UVRAG: variants seen among roughly 807,000 people sequenced by gnomAD.
UVRAG encodes the protein UV radiation resistance-associated gene protein.
UVRAG carries 19 observed loss-of-function variants against 78.0 expected under a neutral mutation model. That is an observed-to-expected ratio of 0.24 (90% CI 0.17 to 0.36). The LOEUF (loss-of-function observed/expected upper bound fraction) is 0.36, where lower values mean the gene tolerates loss of function less well. Ranked by LOEUF, UVRAG falls within the 10% of genes least tolerant of loss-of-function variation. The pLI, the probability that UVRAG is intolerant of heterozygous loss-of-function variation, is 1.00. For synonymous variants in UVRAG, 323 were observed against 324.6 expected (o/e 1.00, Z 0.05); for missense variants, 740 against 853.8 (o/e 0.87, Z 1.66).
At chr11:76,007,678 A>G in intron 10 of UVRAG, 57 bp downstream of exon 10, 1 of 1,361,780 alleles carries the variant, frequency 7.3e-7, no homozygotes. Context: ...TTTCTGTATG[A>G]CATTTCCTCT....
intron 7 of UVRAG, among the ~76,000 whole-genome samples, chr11:75,971,364 AG>A (rs1214115706): frequency 1.3e-5 from 2 of 152,192 alleles, no homozygotes; most frequent in African/African-American, 2.4e-5. Flanking sequence ...AATATATAAG[AG>A]TATGATTGCT....
At chr11:75,971,929 A>T (rs928063968) in intron 7 of UVRAG, among the ~76,000 whole-genome samples, 37 of 152,052 alleles carry the variant, frequency 2.4e-4, no homozygotes, top group African/African-American at 8.7e-4. Flanking sequence ...GACCTCAGCT[A>T]ATCTGCCAGC....
intron 12 of UVRAG, among the ~76,000 whole-genome samples, chr11:76,065,409 A>C (rs1458805717): frequency 1.3e-5 from 2 of 152,222 alleles, no homozygotes; most frequent in Middle Eastern, 3.2e-3. Flanking sequence ...CTAAGGTGGC[A>C]AGTTTATGAT....
chr11:76,069,542 T>C (rs537430474), intron 13 of UVRAG, among the ~76,000 whole-genome samples: 112 of 152,330 alleles, frequency 7.4e-4, no homozygotes, highest in African/African-American at 2.6e-3. Flanking sequence ...TTAGAATTTG[T>C]ATAGAGAACA....
Position 76,098,581 on chromosome 11 carries a change from A to G in UVRAG, c.1306-17343A>G, listed in dbSNP as rs529302368. ...TTAATGTGTAAGTGGCAGTTTGAAG[A>G]TAGAAGACCACATCATTGTTTAATA... On this transcript the variant is annotated intron_variant, in intron 13 of 14. Transcript: ENST00000356136. Among the ~76,000 whole-genome samples the G allele has an allele frequency of 3.9e-5, 6 of 152,322 alleles. No homozygotes were observed. The East Asian group carries it at 1.2e-3, about 29-fold the overall frequency.
rs143386213 is a variant in UVRAG at position 76,060,738 on chromosome 11, C to T, written c.1227-4972C>T. Among the ~76,000 whole-genome samples, 976 of 152,324 alleles carry T rather than the reference C, an allele frequency of 6.4e-3. 7 individuals carry two copies. The highest frequency in any genetic ancestry group is 9.7e-3 in the Non-Finnish European group (663 of 68,008). ...TGGCTGCCGAGGGTGTGCTGGGTCC[C>T]CCAGCAGTGCCAGCACACCGGCGCT... On this transcript the variant is annotated intron_variant, in intron 12 of 14. Coordinates refer to ENST00000356136, the MANE Select transcript of UVRAG (RefSeq NM_003369.4).
chr11:76,084,352 G>C (rs1956652010), intron 13 of UVRAG, among the ~76,000 whole-genome samples: 1 of 152,132 alleles, frequency 6.6e-6, no homozygotes, highest in African/African-American at 2.4e-5. Context: ...GAATTTAAGA[G>C]TCCAAGAGAA....
intron 3 of UVRAG, among the ~76,000 whole-genome samples, chr11:75,876,516 GAC>G (rs762482205): frequency 2.1e-4 from 32 of 152,326 alleles, no homozygotes; most frequent in Admixed American, 3.9e-4. Flanking sequence ...GTGAGATACA[GAC>G]TGGAGGTCAT....
chr11:75,836,779 A>G (rs1399447226), intron 1 of UVRAG, among the ~76,000 whole-genome samples: 1 of 152,254 alleles, frequency 6.6e-6, no homozygotes, highest in Non-Finnish European at 1.5e-5. Context: ...TAACATGCTA[A>G]CTTCAGGCAG....
At chr11:75,962,989 G>A (rs749435422) in intron 7 of UVRAG, among the ~76,000 whole-genome samples, 7 of 152,134 alleles carry the variant, frequency 4.6e-5, no homozygotes, top group Non-Finnish European at 7.4e-5. Flanking sequence ...TTTTTATGCT[G>A]CCTAGTCAAC....
At chr11:75,886,524 C>CT (rs1342356153) in intron 4 of UVRAG, among the ~76,000 whole-genome samples, 2 of 152,294 alleles carry the variant, frequency 1.3e-5, no homozygotes, top group Non-Finnish European at 2.9e-5. Flanking sequence ...AATCTTGAGA[C>CT]TGCTTTCATA....
At chr11:76,066,304 AAAT>A (rs1250875517) in intron 13 of UVRAG, among the ~76,000 whole-genome samples, 2 of 152,160 alleles carry the variant, frequency 1.3e-5, no homozygotes, top group African/African-American at 4.8e-5. Flanking sequence ...TATGCCACTT[AAAT>A]AATGTCTTTC....
At chr11:75,993,856 A>G (rs914462416) in intron 8 of UVRAG, among the ~76,000 whole-genome samples, 3 of 152,134 alleles carry the variant, frequency 2.0e-5, no homozygotes, top group Admixed American at 2.0e-4. Flanking sequence ...GCTTTCGGTC[A>G]TGGTGGAAGG....
At chr11:75,920,127 G>A (rs1188466797) in intron 6 of UVRAG, among the ~76,000 whole-genome samples, 4 of 134,646 alleles carry the variant, frequency 3.0e-5, no homozygotes, top group African/African-American at 1.1e-4. Flanking sequence ...TCCAGTTCAA[G>A]CGATTCTTCT....
chr11:76,008,645 A>G (rs1005346823), intron 10 of UVRAG, among the ~76,000 whole-genome samples, 162 bp from the exon 11 acceptor site: 2 of 152,186 alleles, frequency 1.3e-5, no homozygotes, highest in African/African-American at 2.4e-5. Context: ...GTAGGGAGAG[A>G]GTAGAATGAA....
intron 13 of UVRAG, among the ~76,000 whole-genome samples, chr11:76,098,801 G>A (rs1181790714): frequency 2.0e-5 from 3 of 152,072 alleles, no homozygotes; most frequent in Non-Finnish European, 4.4e-5. Flanking sequence ...CAACACAGTT[G>A]TCCAAAATTG....
At chr11:75,874,888 T>A (rs999155423) in intron 3 of UVRAG, among the ~76,000 whole-genome samples, 3 of 152,220 alleles carry the variant, frequency 2.0e-5, no homozygotes, top group African/African-American at 7.2e-5. Flanking sequence ...TCTCTTCATT[T>A]TTCAGAGGAA....
At chr11:75,853,096 A>G (rs1946193360) in intron 2 of UVRAG, among the ~76,000 whole-genome samples, 1 of 151,966 alleles carries the variant, frequency 6.6e-6, no homozygotes, top group South Asian at 2.1e-4. Context: ...AAATTTTTGT[A>G]GAAATGGGGT....
chr11:76,061,937 G>A (rs1221916923), intron 12 of UVRAG, among the ~76,000 whole-genome samples: 1 of 152,212 alleles, frequency 6.6e-6, no homozygotes, highest in Non-Finnish European at 1.5e-5. Flanking sequence ...GATTCCTCCT[G>A]TGTTAGTCTC....
Sources: allele counts gnomAD v4.1 joint callset (sites outside exome capture counted in the v4.1 genomes callset), GRCh38; gene constraint gnomAD v4.1.1; transcripts MANE v1.5; gene names NCBI Gene and HGNC (gene_info 2026-07-23, HGNC 2026-07-21).